Variants in TMTC1 observed in about 807,000 individuals in gnomAD.
TMTC1 encodes protein O-mannosyl-transferase TMTC1.
TMTC1 carries 73 observed loss-of-function variants against 104.8 expected under a neutral mutation model. The observed-to-expected ratio is 0.70, with a 90% CI of 0.58 to 0.85. The LOEUF (loss-of-function observed/expected upper bound fraction) is 0.85, where lower values mean the gene tolerates loss of function less well. Among genes scored for constraint, TMTC1 ranks in the 40% least tolerant of loss-of-function variants. TMTC1 has a pLI of 0.00. For missense variants in TMTC1, 1,035 were observed against 1,096.1 expected (o/e 0.94, Z 0.79); for synonymous variants, 434 against 428.7 (o/e 1.01, Z -0.15).
chr12:29,777,700 A>T (rs1351838864), intron 1 of TMTC1, among the ~76,000 whole-genome samples: 1 of 152,132 alleles, frequency 6.6e-6, no homozygotes, highest in Non-Finnish European at 1.5e-5. Flanking sequence ...TAAAATTTTC[A>T]AAGGCAGTTT....
chr12:29,646,646 C>T lies in TMTC1; in HGVS notation c.939-13310G>A, dbSNP rs141969046. ...TTGTGACAAATTAAATAAATTATGA[C>T]GACGTAGTTTCGTTCTGGTTTGGAA... On this transcript the variant is annotated intron_variant, in intron 5 of 17. Coordinates refer to ENST00000539277, the MANE Select transcript of TMTC1 (RefSeq NM_001193451.2). Among the ~76,000 whole-genome samples, 199 of 152,238 alleles carry T rather than the reference C, an allele frequency of 1.3e-3. No individual in the cohort carries two copies. The Middle Eastern group carries it at 0.02, about 16-fold the overall frequency.
intron 8 of TMTC1, among the ~76,000 whole-genome samples, chr12:29,579,343 G>T (rs1039639470): frequency 3.9e-5 from 6 of 152,192 alleles, no homozygotes; most frequent in African/African-American, 1.4e-4. Flanking sequence ...AAAAGAGACT[G>T]TATGACCCGC....
chr12:29,597,178 G>A (rs1255879133), intron 7 of TMTC1, among the ~76,000 whole-genome samples: 4 of 151,048 alleles, frequency 2.6e-5, no homozygotes, highest in Non-Finnish European at 5.9e-5. Context: ...CCTAGTGGCT[G>A]CTTGTCCATG....
chr12:29,592,555 C>T (rs773591871), intron 7 of TMTC1, among the ~76,000 whole-genome samples: 3 of 152,262 alleles, frequency 2.0e-5, no homozygotes, highest in African/African-American at 4.8e-5. Flanking sequence ...GAGAACTTCC[C>T]TAATTTTCTT....
intron 5 of TMTC1, among the ~76,000 whole-genome samples, chr12:29,638,723 C>A (rs1463351390): frequency 1.3e-5 from 2 of 152,158 alleles, no homozygotes; most frequent in Admixed American, 6.5e-5. Flanking sequence ...GGCTGGTCTG[C>A]ATGCTTCGGC....
chr12:29,647,204 G>C lies in TMTC1; in HGVS notation c.939-13868C>G, dbSNP rs558318022. On this transcript the variant is annotated intron_variant, in intron 5 of 17. Coordinates refer to ENST00000539277, the MANE Select transcript of TMTC1 (RefSeq NM_001193451.2). ...CTAGCTAATTTTTGTATTTTTAGTA[G>C]AGACAGAGATTCACCATATTGGTCA... Among the ~76,000 whole-genome samples, 99 of 152,012 alleles carry C rather than the reference G, an allele frequency of 6.5e-4. 1 individual carries two copies. Among genetic ancestry groups the C allele is most frequent in the Non-Finnish European group, 9.3e-4 (63 of 68,022 alleles).
intron 2 of TMTC1, among the ~76,000 whole-genome samples, chr12:29,764,462 C>T (rs1163052104): frequency 6.6e-6 from 1 of 152,142 alleles, no homozygotes; most frequent in Non-Finnish European, 1.5e-5. Flanking sequence ...AAGCTATGAT[C>T]ATGCCATTGC....
At position 29,751,697 on chromosome 12, in the gene TMTC1, C is replaced by G; in HGVS notation, c.907G>C (p.Val303Leu). 1 of 1,614,104 alleles carries G rather than the reference C, an allele frequency of 6.2e-7. No individual in the cohort carries two copies. Among genetic ancestry groups the G allele is most frequent in the East Asian group, 2.2e-5 (1 of 44,866 alleles). ...ATGGACCACACAGCTCGTGGGGACA[C>G]TGGGAATCCACTGCTCTTGGGTTCT... ...PPEPKSSGFPVSPRAVWSMMR... is the reference protein window; with the variant it reads ...PPEPKSSGFPLSPRAVWSMMR... The change falls in exon 5 of 18, where the codon GTG becomes CTG. Residue 303 changes from valine to leucine, a missense_variant. By Grantham distance (32) the Val-to-Leu change is conservative. Coordinates refer to ENST00000539277, the MANE Select transcript of TMTC1 (RefSeq NM_001193451.2).
chr12:29,567,396 T>G (rs10400409), intron 9 of TMTC1, among the ~76,000 whole-genome samples: 147,850 of 151,240 alleles, frequency 0.98, 72,288 homozygotes, highest in East Asian at 1. Flanking sequence ...CTTAAATTCG[T>G]TTTTTTTTTC....
chr12:29,713,300 T>TACACACAAAC (rs1555190909), intron 5 of TMTC1, among the ~76,000 whole-genome samples: 8 of 134,494 alleles, frequency 5.9e-5, no homozygotes, highest in African/African-American at 2.3e-4. Flanking sequence ...CATAAACACA[T>TACACACAAAC]ACACACACAC....
At chr12:29,729,965 C>G (rs529251458) in intron 5 of TMTC1, among the ~76,000 whole-genome samples, 10 of 152,086 alleles carry the variant, frequency 6.6e-5, no homozygotes, top group Non-Finnish European at 1.2e-4. Flanking sequence ...TTTCCTCAAC[C>G]CTGAATCAGA....
chr12:29,577,628 A>G (rs138223995), intron 8 of TMTC1, among the ~76,000 whole-genome samples: 1 of 152,280 alleles, frequency 6.6e-6, no homozygotes. Context: ...CAAGCCTTAG[A>G]GAGGATCAGT....
At chr12:29,764,422 T>G (rs1195990248) in intron 2 of TMTC1, among the ~76,000 whole-genome samples, 1 of 152,166 alleles carries the variant, frequency 6.6e-6, no homozygotes, top group African/African-American at 2.4e-5. Context: ...GTGGGAGGAT[T>G]GCTTGAGCCC....
chr12:29,674,805 C>T (rs577009221), intron 5 of TMTC1, among the ~76,000 whole-genome samples: 37 of 152,308 alleles, frequency 2.4e-4, no homozygotes, highest in African/African-American at 7.7e-4. Context: ...TCAAACATCA[C>T]GCACCCACCA....
chr12:29,608,809 C>T (rs750528927), intron 6 of TMTC1, among the ~76,000 whole-genome samples: 8 of 152,148 alleles, frequency 5.3e-5, no homozygotes, highest in Non-Finnish European at 8.8e-5. Flanking sequence ...AAGGGAAGAG[C>T]AGGGCTTTTC....
intron 11 of TMTC1, among the ~76,000 whole-genome samples, chr12:29,527,356 GAC>G (rs1390972245): frequency 2.6e-5 from 4 of 152,198 alleles, no homozygotes; most frequent in African/African-American, 9.7e-5. Context: ...GTGAGTGAGA[GAC>G]ACAATCCCTA....
At chr12:29,587,095 T>C (rs1024124752) in intron 7 of TMTC1, among the ~76,000 whole-genome samples, 6 of 152,184 alleles carry the variant, frequency 3.9e-5, no homozygotes, top group Admixed American at 6.5e-5. Context: ...AGCTATTAAT[T>C]ATTGCCTCAA....
intron 5 of TMTC1, among the ~76,000 whole-genome samples, chr12:29,643,865 AT>A (rs1317661881): frequency 1.1e-4 from 4 of 35,234 alleles, no homozygotes; most frequent in African/African-American, 3.4e-4. Context: ...ATTTATATAT[AT>A]TTTTATATAT....
At chr12:29,762,518 T>C (rs1943375469) in intron 2 of TMTC1, among the ~76,000 whole-genome samples, 1 of 152,258 alleles carries the variant, frequency 6.6e-6, no homozygotes, top group South Asian at 2.1e-4. Flanking sequence ...GATAATCTAA[T>C]GTATCTGTTA....
Sources: gnomAD v4.1 joint callset for allele counts (sites outside exome capture counted in the v4.1 genomes callset) on GRCh38, gnomAD v4.1.1 for gene constraint, MANE v1.5 for transcripts, NCBI Gene and HGNC (gene_info 2026-07-23, HGNC 2026-07-21) for gene names.